MYT1: variants seen among roughly 807,000 people sequenced by gnomAD.
MYT1 encodes the protein myelin transcription factor 1.
In MYT1, 23 loss-of-function variants were observed where a neutral mutation model predicts 123.0. The observed-to-expected ratio is 0.19, with a 90% CI of 0.13 to 0.26. The LOEUF (loss-of-function observed/expected upper bound fraction) is 0.26, where lower values mean the gene tolerates loss of function less well. Among genes scored for constraint, MYT1 ranks in the 10% least tolerant of loss-of-function variants. The pLI is 1.00. For missense variants in MYT1, 1,125 were observed against 1,472.5 expected, an observed-to-expected ratio of 0.76 and a Z score of 3.86; for synonymous variants, 518 against 575.3, an observed-to-expected ratio of 0.90 and a Z score of 1.43.
chr20:64,194,102 T>C (rs559770097), intron 2 of MYT1, among the ~76,000 whole-genome samples: 11 of 152,282 alleles, frequency 7.2e-5, no homozygotes, highest in African/African-American at 2.6e-4. Flanking sequence ...CATCCACCTG[T>C]CCATCCACCC....
Position 64,240,729 on chromosome 20 carries a change from C to A in MYT1, c.*281C>A. The A allele has an allele frequency of 2.9e-6, 1 of 348,008 alleles. No individual in the cohort carries two copies. The highest frequency in any genetic ancestry group is 5.2e-6 in the Non-Finnish European group (1 of 191,614). 21.6% of individuals were successfully genotyped at this position (348,008 alleles called of 1,614,324 possible). A position where few individuals can be genotyped will look rare whatever the true frequency, so the allele number is the denominator to read the frequency against. On this transcript the variant is annotated 3_prime_UTR_variant, in exon 23 of 23. Transcript: ENST00000328439. ...AGAAATCTGAAGAGCAGCTCAAAGT[C>A]TCCAGTGGAAGCTCATGGACAAGGT... is the stretch of plus-strand genomic sequence containing the variant.
chr20:64,205,875 G>C (rs1378009809), intron 6 of MYT1, 75 bp downstream of exon 6: 7 of 1,569,882 alleles, frequency 4.5e-6, no homozygotes, highest in South Asian at 2.4e-5. Context: ...TGTGAGCGGG[G>C]AGGGGCTCAC....
At chr20:64,201,473 AAT>A (rs147971372) in intron 4 of MYT1, among the ~76,000 whole-genome samples, 87,418 of 151,480 alleles carry the variant, frequency 0.58, 27,259 homozygotes, top group African/African-American at 0.81. Context: ...GCTAACATGC[AAT>A]GTGATGCTTA....
Position 64,225,860 on chromosome 20 carries a change from C to A in MYT1, c.2529-1555C>A, listed in dbSNP as rs143089350. ...TAGTGAGGACTGCAGGATGGCCCCC[C>A]CTGTGTGTTAGGTACTGCCGGCCCC... On this transcript the variant is annotated intron_variant, in intron 16 of 22. Transcript: ENST00000328439. Among the ~76,000 whole-genome samples, 63 of 152,306 alleles carry A rather than the reference C, an allele frequency of 4.1e-4. 1 individual carries two copies. In the East Asian group the frequency reaches 0.011, roughly 26 times the overall value.
At chr20:64,238,370 T>G (rs1192256835) in intron 21 of MYT1, among the ~76,000 whole-genome samples, 2 of 152,206 alleles carry the variant, frequency 1.3e-5, no homozygotes, top group African/African-American at 4.8e-5. Context: ...GTCTCATTAC[T>G]CTGCTCTTGT....
At chr20:64,220,709 C>G (rs1239372167) in intron 13 of MYT1, among the ~76,000 whole-genome samples, 1 of 152,228 alleles carries the variant, frequency 6.6e-6, no homozygotes, top group Non-Finnish European at 1.5e-5. Context: ...CTTCCCCTCC[C>G]CCAAAGCCCC....
At chr20:64,235,527 A>G (rs1354439511) in intron 19 of MYT1, among the ~76,000 whole-genome samples, 17 of 93,678 alleles carry the variant, frequency 1.8e-4, no homozygotes, top group Admixed American at 5.1e-4. Context: ...TGGCCATGGT[A>G]TGTGACCCGG....
Position 64,208,358 on chromosome 20 carries a change from A to G in MYT1, c.1162A>G (p.Lys388Glu), listed in dbSNP as rs745875248. Residue 388 changes from lysine to glutamate, a missense_variant, in exon 7 of 23, where the codon AAG becomes GAG. Coordinates refer to ENST00000328439, the MANE Select transcript of MYT1 (RefSeq NM_004535.3). The surrounding 1 kb of genome is among the most constrained non-coding windows in gnomAD (Gnocchi z 5.4). ...LGLLEQAIAL[K>E]AEQVRTVCEP... Reference sequence around the variant, plus strand: ...CCTCCTGGAGCAGGCCATCGCCCTGAAGGCTGAACAGGTGCGCACAGTCTG... The same window carrying G: ...CCTCCTGGAGCAGGCCATCGCCCTGGAGGCTGAACAGGTGCGCACAGTCTG... The G allele has an allele frequency of 1.2e-6, 2 of 1,613,942 alleles. No homozygotes were observed. Among genetic ancestry groups the G allele is most frequent in the South Asian group, 2.2e-5 (2 of 91,076 alleles).
chr20:64,226,263 G>A (rs906172026), intron 16 of MYT1, among the ~76,000 whole-genome samples: 2 of 152,264 alleles, frequency 1.3e-5, no homozygotes, highest in African/African-American at 4.8e-5. Flanking sequence ...AACTCCTAGG[G>A]GCCGAAGAGA....
chr20:64,204,110 A>G (rs1163268073), intron 4 of MYT1, among the ~76,000 whole-genome samples: 1 of 152,230 alleles, frequency 6.6e-6, no homozygotes, highest in Admixed American at 6.5e-5. Flanking sequence ...GACAGCCCAC[A>G]GGAGCCTGAT....
rs1983915789 is a variant in MYT1, at chr20:64,218,909, A to G, written c.1847-2A>G. ...TGAGGAGCACTTCATCCTCTTCTGC[A>G]GGCTTTGACTACTCGCAGGACGCCG... On this transcript the variant is annotated splice_acceptor_variant, in intron 11 of 22. Coordinates refer to ENST00000328439, the MANE Select transcript of MYT1 (RefSeq NM_004535.3). LOFTEE classifies it high-confidence loss of function. This position sits in a 1 kb window ranked among gnomAD's most constrained non-coding sequence, Gnocchi z 4.0. The G allele has an allele frequency of 6.2e-7, 1 of 1,613,424 alleles. No homozygotes were observed. The highest frequency in any genetic ancestry group is 1.3e-5 in the African/African-American group (1 of 74,926).
intron 1 of MYT1, among the ~76,000 whole-genome samples, chr20:64,169,751 G>A (rs748230474): frequency 6.6e-5 from 10 of 152,274 alleles, no homozygotes; most frequent in East Asian, 5.8e-4. Flanking sequence ...CTTAATCTTC[G>A]AATGGAACAA....
rs1419736337 is a variant in MYT1 at position 64,241,446 on chromosome 20, GAATCC to G, written c.*1001_*1005del. Reference sequence around the variant, plus strand: ...ACACAATGTCCCTACCGTGTAAATAGAATCCAAGTCAATTGTGACTGCAATTCCAA... The same window carrying G: ...ACACAATGTCCCTACCGTGTAAATAGAAGTCAATTGTGACTGCAATTCCAA... On this transcript the variant is annotated 3_prime_UTR_variant, in exon 23 of 23. Coordinates refer to ENST00000328439, the MANE Select transcript of MYT1 (RefSeq NM_004535.3). The surrounding 1 kb of genome is among the most constrained non-coding windows in gnomAD (Gnocchi z 4.2). 11 of 152,654 alleles carry G rather than the reference GAATCC, an allele frequency of 7.2e-5. No homozygotes were observed. Among genetic ancestry groups the G allele is most frequent in the African/African-American group, 2.6e-4 (11 of 41,572 alleles). The allele number at this position is 152,654 out of a possible 1,614,324, so 9.5% of individuals were successfully genotyped here.
intron 19 of MYT1, 107 bp from the exon 20 acceptor site, chr20:64,236,448 G>GGGGCTGGCCGTGGTAGGTGACCCT: frequency 1.8e-6 from 1 of 565,704 alleles, no homozygotes; most frequent in Non-Finnish European, 2.9e-6. Flanking sequence ...TGGGTGACCC[G>GGGGCTGGCCGTGGTAGGTGACCCT]GGGCTGGCCG....
rs866470361 is a variant in MYT1 at position 64,219,926 on chromosome 20, G to A, written c.2185G>A (p.Asp729Asn). The A allele has an allele frequency of 1.9e-6, 3 of 1,557,254 alleles. No individual in the cohort carries two copies. In the Middle Eastern group the frequency reaches 5.0e-4, roughly 260 times the overall value. ...CCAGGCCTCCCGCCAGGACGAGTGG[G>A]ACCGGCCCCTGGACTACACCAAGCC... ...SSQASRQDEW[D>N]RPLDYTKPSR... Residue 729 changes from aspartate to asparagine, a missense_variant, in exon 13 of 23, where the codon GAC becomes AAC. Transcript: ENST00000328439.
chr20:64,180,203 C>A (rs1359477935), intron 1 of MYT1, among the ~76,000 whole-genome samples: 1 of 152,170 alleles, frequency 6.6e-6, no homozygotes, highest in Non-Finnish European at 1.5e-5. Context: ...TACACACATG[C>A]TACACACACA....
chr20:64,221,361 T>G (rs1195376104), intron 13 of MYT1, among the ~76,000 whole-genome samples: 2 of 152,174 alleles, frequency 1.3e-5, no homozygotes, highest in Admixed American at 1.3e-4. Context: ...AGCATTCAGT[T>G]CGAAGCCTTT....
chr20:64,173,538 C>T (rs34589815), intron 1 of MYT1, among the ~76,000 whole-genome samples: 828 of 27,212 alleles, frequency 0.03, 9 homozygotes, highest in Middle Eastern at 0.039. Context: ...CTGCAGCATC[C>T]TTCCCTTTAG....
At position 64,213,459 on chromosome 20, in the gene MYT1, C is replaced by G; in HGVS notation, c.1518-75C>G. ...TCTGAATGACCTTGCCGTGAGACAC[C>G]CACACACACAGACACCCAGGACAGG... is the stretch of plus-strand genomic sequence containing the variant. On this transcript the variant is annotated intron_variant, in intron 9 of 22. Coordinates refer to ENST00000328439, the MANE Select transcript of MYT1 (RefSeq NM_004535.3). The surrounding 1 kb of genome is among the most constrained non-coding windows in gnomAD (Gnocchi z 5.6). 1 of 1,172,068 alleles carries G rather than the reference C, an allele frequency of 8.5e-7. No homozygotes were observed. Among genetic ancestry groups the G allele is most frequent in the Non-Finnish European group, 1.3e-6 (1 of 792,510 alleles). The allele number at this position is 1,172,068 out of a possible 1,614,324, so 72.6% of individuals were successfully genotyped here. A position where few individuals can be genotyped will look rare whatever the true frequency, so the allele number is the denominator to read the frequency against.
Sources: allele counts gnomAD v4.1 joint callset (sites outside exome capture counted in the v4.1 genomes callset), GRCh38; gene constraint gnomAD v4.1.1; non-coding constraint Gnocchi (gnomAD v3.1); transcripts MANE v1.5; gene names NCBI Gene and HGNC (gene_info 2026-07-23, HGNC 2026-07-21).